The following SAMD5 variants were observed in gnomAD, a reference collection of about 807,000 sequenced individuals.
SAMD5 encodes the protein sterile alpha motif domain-containing protein 5.
Under a neutral mutation model 11.3 loss-of-function variants are expected in SAMD5, and 13 were observed. That is an observed-to-expected ratio of 1.15 (90% CI 0.75 to 1.83). The LOEUF (loss-of-function observed/expected upper bound fraction) is 1.83. Among genes scored for constraint, SAMD5 ranks in the 40% most tolerant of loss-of-function variants. The probability of loss-of-function intolerance (pLI) is 0.00; values close to 1 mark genes in which losing one functional copy is unlikely to be tolerated. For synonymous variants in SAMD5, 129 were observed against 111.3 expected (o/e 1.16, Z -1.00); for missense variants, 255 against 239.1 (o/e 1.07, Z -0.44).
At chr6:147,930,940 A>G in the SAMD5 span, among the ~76,000 whole-genome samples, 545 of 152,300 alleles carry the variant, frequency 3.6e-3, 3 homozygotes, top group African/African-American at 0.013. Context: ...ACTGACTCAC[A>G]TGTCAGTCTC....
chr6:147,528,653 T>G (rs1469039970), intron 1 of SAMD5, among the ~76,000 whole-genome samples: 1 of 152,190 alleles, frequency 6.6e-6, no homozygotes, highest in Non-Finnish European at 1.5e-5. Context: ...CTTAGAAAGT[T>G]ATGTTGTCAG....
chr6:147,794,969 C>T, the SAMD5 span, among the ~76,000 whole-genome samples: 1 of 151,796 alleles, frequency 6.6e-6, no homozygotes, highest in Non-Finnish European at 1.5e-5. Context: ...GGGATATAAT[C>T]TATTTAATTA....
intron 1 of SAMD5, among the ~76,000 whole-genome samples, chr6:147,665,342 A>G (rs1253773400): frequency 1.3e-5 from 2 of 152,248 alleles, no homozygotes; most frequent in African/African-American, 4.8e-5. Context: ...AGGGAGAAGT[A>G]TCTAATGAAA....
chr6:147,920,249 G>A, the SAMD5 span, among the ~76,000 whole-genome samples: 6 of 152,326 alleles, frequency 3.9e-5, 1 homozygote, highest in Middle Eastern at 0.01. Flanking sequence ...GCAGAAGAGC[G>A]TGGAAGGACT....
intron 1 of SAMD5, among the ~76,000 whole-genome samples, chr6:147,695,856 A>G (rs1167531903): frequency 6.6e-6 from 1 of 152,218 alleles, no homozygotes; most frequent in East Asian, 1.9e-4. Flanking sequence ...TCTCTTCTAC[A>G]TGTATAAGCA....
intron 1 of SAMD5, among the ~76,000 whole-genome samples, chr6:147,586,652 A>C (rs1347505717): frequency 2.0e-5 from 3 of 151,846 alleles, no homozygotes; most frequent in Admixed American, 2.0e-4. Context: ...TGGGAGTTAA[A>C]GTATTAGATA....
chr6:147,613,375 C>T (rs1193410709), intron 1 of SAMD5, among the ~76,000 whole-genome samples: 1 of 151,820 alleles, frequency 6.6e-6, no homozygotes, highest in Non-Finnish European at 1.5e-5. Flanking sequence ...AAGAGATAGT[C>T]TGATCCATTG....
In SAMD5 at chr6:147,737,413, AT is replaced by A; in HGVS notation, c.260del (p.Ile87LysfsTer30). 1 of 1,060,654 alleles carries A rather than the reference AT, an allele frequency of 9.4e-7. No individual in the cohort carries two copies. Among genetic ancestry groups the A allele is most frequent in the Non-Finnish European group, 1.3e-6 (1 of 787,588 alleles). 65.7% of individuals were successfully genotyped at this position (1,060,654 alleles called of 1,614,324 possible). Reference sequence around the variant, plus strand: ...AATCCCACGCTATTACAGGATGACTATAAGAAGATGTATTGACATTTCTTTG... The same window carrying A: ...AATCCCACGCTATTACAGGATGACTAAAGAAGATGTATTGACATTTCTTTG... On this transcript the variant is annotated frameshift_variant, in exon 2 of 2. Coordinates refer to the SAMD5 transcript ENST00000566741. LOFTEE classifies it high-confidence loss of function.
the SAMD5 span, among the ~76,000 whole-genome samples, chr6:147,848,400 C>T: frequency 2.6e-5 from 4 of 152,096 alleles, no homozygotes; most frequent in African/African-American, 7.2e-5. Context: ...ACAGTGATAG[C>T]GAATGTTTAC....
the SAMD5 span, among the ~76,000 whole-genome samples, chr6:147,795,069 T>TTTTA: frequency 4.0e-5 from 6 of 151,622 alleles, no homozygotes; most frequent in Admixed American, 1.3e-4. Flanking sequence ...CCTATTTTTT[T>TTTTA]TTATTATTAT....
intron 1 of SAMD5, among the ~76,000 whole-genome samples, chr6:147,511,307 A>G (rs777625073): frequency 1.1e-4 from 17 of 152,214 alleles, no homozygotes; most frequent in Non-Finnish European, 2.2e-4. Flanking sequence ...AGGGGATGAA[A>G]CGTCATCAGA....
the SAMD5 span, among the ~76,000 whole-genome samples, chr6:147,881,940 A>G: frequency 2.0e-5 from 3 of 152,136 alleles, no homozygotes; most frequent in African/African-American, 7.2e-5. Context: ...GGCCCCATCC[A>G]TTACATTGTC....
chr6:147,773,190 G>A, the SAMD5 span, among the ~76,000 whole-genome samples: 1 of 152,152 alleles, frequency 6.6e-6, no homozygotes, highest in Non-Finnish European at 1.5e-5. Context: ...GGAAATCTTG[G>A]GGTACACATT....
At chr6:147,533,598 G>C (rs543706559) in intron 1 of SAMD5, among the ~76,000 whole-genome samples, 2 of 152,160 alleles carry the variant, frequency 1.3e-5, no homozygotes, top group African/African-American at 4.8e-5. Context: ...CAGGAGTCCA[G>C]CCGAATGAGG....
At chr6:147,856,275 T>TG in the SAMD5 span, among the ~76,000 whole-genome samples, 1 of 152,042 alleles carries the variant, frequency 6.6e-6, no homozygotes, top group South Asian at 2.1e-4. Flanking sequence ...CGGGTGGGTG[T>TG]GGTGTAGTGA....
the SAMD5 span, among the ~76,000 whole-genome samples, chr6:147,889,939 C>T: frequency 0.14 from 21,116 of 152,134 alleles, 2,377 homozygotes; most frequent in African/African-American, 0.29. Flanking sequence ...GCATTGGTGT[C>T]CCTAAACTCC....
At chr6:147,942,124 G>A in the SAMD5 span, among the ~76,000 whole-genome samples, 1 of 152,136 alleles carries the variant, frequency 6.6e-6, no homozygotes, top group Non-Finnish European at 1.5e-5. Flanking sequence ...TGATCCACCC[G>A]CCTCGGCCTC....
chr6:147,563,470 G>A (rs191848364), intron 1 of SAMD5, among the ~76,000 whole-genome samples: 4 of 152,284 alleles, frequency 2.6e-5, no homozygotes, highest in African/African-American at 7.2e-5. Context: ...ATAAGCAAGC[G>A]GTTGAATCTA....
At chr6:147,938,300 C>A in the SAMD5 span, among the ~76,000 whole-genome samples, 1 of 151,150 alleles carries the variant, frequency 6.6e-6, no homozygotes, top group African/African-American at 2.4e-5. Flanking sequence ...GAACTCATTA[C>A]TGACAACAGT....
Sources: allele counts gnomAD v4.1 joint callset (sites outside exome capture counted in the v4.1 genomes callset), GRCh38; gene constraint gnomAD v4.1.1; transcripts MANE v1.5; gene names NCBI Gene and HGNC (gene_info 2026-07-23, HGNC 2026-07-21).